KLF2: variants seen among roughly 807,000 people sequenced by gnomAD.
KLF2 encodes Krueppel-like factor 2.
KLF2 carries 9 observed loss-of-function variants against 22.2 expected under a neutral mutation model. That is an observed-to-expected ratio of 0.40 (90% CI 0.24 to 0.71). The LOEUF (loss-of-function observed/expected upper bound fraction) is 0.71, where lower values mean the gene tolerates loss of function less well. KLF2 is among the 30% of genes least tolerant of loss of function. KLF2 has a pLI of 0.35. For missense variants in KLF2, 481 were observed against 542.1 expected, an observed-to-expected ratio of 0.89 and a Z score of 1.12; for synonymous variants, 299 against 264.2, an observed-to-expected ratio of 1.13 and a Z score of -1.28.
rs761413887 is a variant in KLF2, at chr19:16,324,890, C to A, written c.-34C>A. On this transcript the variant is annotated 5_prime_UTR_variant, in exon 1 of 3. Transcript: ENST00000248071. Reference sequence around the variant, plus strand: ...GCCTCGGGCAGCCACTCACCGGTGTCCCCGTCCGCGTCCTTTCTCCCCGGG... The same window carrying A: ...GCCTCGGGCAGCCACTCACCGGTGTACCCGTCCGCGTCCTTTCTCCCCGGG... 25 of 1,566,818 alleles carry A rather than the reference C, an allele frequency of 1.6e-5. No individual in the cohort carries two copies. Among genetic ancestry groups the A allele is most frequent in the Non-Finnish European group, 2.0e-5 (23 of 1,152,254 alleles).
rs2091893243 is a variant in KLF2 at position 16,327,264 on chromosome 19, T to C, written c.*233T>C. The C allele has an allele frequency of 6.7e-6, 3 of 445,300 alleles. No individual in the cohort carries two copies. Among genetic ancestry groups the C allele is most frequent in the South Asian group, 3.2e-5 (1 of 31,130 alleles). 27.6% of individuals were successfully genotyped at this position (445,300 alleles called of 1,614,324 possible). ...CGATCCTCCTTGACGAGTTTTGTTTTTCAAAATGGTGCAATAATTTAAGTG... is the reference window on the plus strand; with the variant it reads ...CGATCCTCCTTGACGAGTTTTGTTTCTCAAAATGGTGCAATAATTTAAGTG... On this transcript the variant is annotated 3_prime_UTR_variant, in exon 3 of 3. Coordinates refer to ENST00000248071, the MANE Select transcript of KLF2 (RefSeq NM_016270.4).
rs930555846 is a variant in KLF2, at chr19:16,328,146, G to T, written c.*1115G>T. ...GGTGGTGGAGTTGGGTTGTTAGCCT[G>T]CTCTGTCTGCCTCCAAGGGTCCCTG... On this transcript the variant is annotated 3_prime_UTR_variant, in exon 3 of 3. Coordinates refer to ENST00000248071, the MANE Select transcript of KLF2 (RefSeq NM_016270.4). Among the ~76,000 whole-genome samples, 1 of 152,098 alleles carries T rather than the reference G, an allele frequency of 6.6e-6. No homozygotes were observed. The highest frequency in any genetic ancestry group is 2.4e-5 in the African/African-American group (1 of 41,432).
At chr19:16,325,019 G>T in intron 1 of KLF2, 21 bp downstream of exon 1, 3 of 1,554,358 alleles carry the variant, frequency 1.9e-6, no homozygotes, top group East Asian at 4.8e-5. Flanking sequence ...CGGGGACGGC[G>T]GGGCGGCCGG....
At position 16,325,404 on chromosome 19, in the gene KLF2, G is replaced by A. The variant is rs777576062; in HGVS notation, c.264G>A (p.Ala88=). ...CGCCCCCGCCCTACAGCGCCCCCGC[G>A]GGTGGCCTGGTGTCTGAGCTGCTGC... ...PGAPPPYSAP[A]GGLVSELLRP... The change falls in exon 2 of 3, where the codon GCG becomes GCA. Residue 88 remains alanine (A), a synonymous_variant. Transcript: ENST00000248071. 7.0e-7 allele frequency: 1 copy of A among 1,424,804 alleles called. No homozygotes were observed. The highest frequency in any genetic ancestry group is 9.1e-7 in the Non-Finnish European group (1 of 1,101,148). The allele number at this position is 1,424,804 out of a possible 1,614,324, so 88.3% of individuals were successfully genotyped here.
At position 16,325,760 on chromosome 19, in the gene KLF2, C is replaced by A. The variant is rs1449482349; in HGVS notation, c.620C>A (p.Pro207His). Residue 207 changes from proline (P) to histidine (H), a missense_variant, in exon 2 of 3, where the codon CCC becomes CAC. Physicochemically the swap from Pro to His is moderately conservative, Grantham distance 77. This residue lies in a region of KLF2 where 421 missense variants were observed against 435.1 expected (regional missense o/e 0.97). Coordinates refer to ENST00000248071, the MANE Select transcript of KLF2 (RefSeq NM_016270.4). ...FGGPGFGAPG[P>H]GLHYAPPAPP... The stretch of plus-strand genomic sequence containing the variant: ...GGCCCTGGTTTCGGCGCGCCCGGGC[C>A]CGGCCTGCATTACGCGCCGCCTGCG... The A allele has an allele frequency of 2.4e-6, 3 of 1,255,616 alleles. No homozygotes were observed. In the African/African-American group the frequency reaches 4.7e-5, roughly 20 times the overall value. 77.8% of individuals were successfully genotyped at this position (1,255,616 alleles called of 1,614,324 possible).
Position 16,325,003 on chromosome 19 carries a change from G to A in KLF2, c.75+5G>A, listed in dbSNP as rs771847213. On this transcript the variant is annotated splice_donor_5th_base_variant and intron_variant, in intron 1 of 2. Coordinates refer to ENST00000248071, the MANE Select transcript of KLF2 (RefSeq NM_016270.4). ...CGCGAGCGCGGCCTGCAGGAGGTGA[G>A]GGCGGCGGGGACGGCGGGGCGGCCG... The A allele has an allele frequency of 6.3e-7, 1 of 1,582,002 alleles. No homozygotes were observed. Among genetic ancestry groups the A allele is most frequent in the East Asian group, 2.3e-5 (1 of 42,804 alleles).
chr19:16,325,460 C>G lies in KLF2; in HGVS notation c.320C>G (p.Ala107Gly). ...RPELDAPLGP[A>G]LHGRFLLAPP... is the part of the protein sequence containing the mutation. ...GAGCTGGATGCGCCGCTGGGGCCCG[C>G]ACTGCACGGCCGCTTTCTGCTGGCG... The change falls in exon 2 of 3, where the codon GCA (alanine) becomes GGA (glycine). Residue 107 changes from alanine (A) to glycine (G), a missense_variant. Physicochemically the swap from Ala to Gly is moderately conservative, Grantham distance 60 (BLOSUM62 0). This residue lies in a region of KLF2 where 421 missense variants were observed against 435.1 expected (regional missense o/e 0.97). Transcript: ENST00000248071. 7.2e-7 allele frequency: 1 copy of G among 1,394,174 alleles called. No individual in the cohort carries two copies. The highest frequency in any genetic ancestry group is 1.5e-5 in the South Asian group (1 of 65,538). The allele number at this position is 1,394,174 out of a possible 1,614,324, so 86.4% of individuals were successfully genotyped here.
At position 16,325,875 on chromosome 19, in the gene KLF2, G is replaced by T; in HGVS notation, c.735G>T (p.Pro245=). Residue 245 remains proline, a synonymous_variant, in exon 2 of 3, where the codon CCG becomes CCT. Coordinates refer to ENST00000248071, the MANE Select transcript of KLF2 (RefSeq NM_016270.4). ...APPAARGLLT[P]PASPLELLEA... ...CCGCCGCCCGCGGTCTCCTCACGCC[G>T]CCTGCGTCCCCGCTGGAGCTGCTGG... 6.8e-7 allele frequency: 1 copy of T among 1,465,300 alleles called. No homozygotes were observed. The highest frequency in any genetic ancestry group is 2.9e-5 in the East Asian group (1 of 34,024). 90.8% of individuals were successfully genotyped at this position (1,465,300 alleles called of 1,614,324 possible). A position where few individuals can be genotyped will look rare whatever the true frequency, so the allele number is the denominator to read the frequency against.
In KLF2 at chr19:16,324,864, G is replaced by T; in HGVS notation, c.-60G>T. On this transcript the variant is annotated 5_prime_UTR_variant, in exon 1 of 3. Transcript: ENST00000248071. The stretch of plus-strand genomic sequence containing the variant: ...CGCCCGCCCGCGCCCCGACCAGCCC[G>T]GCCTCGGGCAGCCACTCACCGGTGT... 1 of 1,407,474 alleles carries T rather than the reference G, an allele frequency of 7.1e-7. No individual in the cohort carries two copies. Among genetic ancestry groups the T allele is most frequent in the Non-Finnish European group, 9.7e-7 (1 of 1,030,634 alleles). The allele number at this position is 1,407,474 out of a possible 1,614,324, so 87.2% of individuals were successfully genotyped here. A position where few individuals can be genotyped will look rare whatever the true frequency, so the allele number is the denominator to read the frequency against.
rs971736489 is a variant in KLF2 at position 16,327,792 on chromosome 19, C to T, written c.*761C>T. Reference sequence around the variant, plus strand: ...TTTGAGCCATAAATTGCCTCTTTGCCCCACAGCTGGGGAAAGTGCTGGTCC... The same window carrying T: ...TTTGAGCCATAAATTGCCTCTTTGCTCCACAGCTGGGGAAAGTGCTGGTCC... On this transcript the variant is annotated 3_prime_UTR_variant, in exon 3 of 3. Coordinates refer to ENST00000248071, the MANE Select transcript of KLF2 (RefSeq NM_016270.4). The T allele has an allele frequency of 6.6e-6, 1 of 151,910 alleles. No homozygotes were observed. The highest frequency in any genetic ancestry group is 2.4e-5 in the African/African-American group (1 of 41,338). The allele number at this position is 151,910 out of a possible 1,614,324, so 9.4% of individuals were successfully genotyped here. A position where few individuals can be genotyped will look rare whatever the true frequency, so the allele number is the denominator to read the frequency against.
rs1289980169 is a variant in KLF2 at position 16,325,446 on chromosome 19, G to A, written c.306G>A (p.Ala102=). Residue 102 remains alanine, a synonymous_variant, in exon 2 of 3, where the codon GCG becomes GCA. Coordinates refer to ENST00000248071, the MANE Select transcript of KLF2 (RefSeq NM_016270.4). ...VSELLRPELD[A]PLGPALHGRF... ...AGCTGCTGCGACCCGAGCTGGATGCGCCGCTGGGGCCCGCACTGCACGGCC... is the reference window on the plus strand; with the variant it reads ...AGCTGCTGCGACCCGAGCTGGATGCACCGCTGGGGCCCGCACTGCACGGCC... 2 of 1,411,316 alleles carry A rather than the reference G, an allele frequency of 1.4e-6. No homozygotes were observed. The highest frequency in any genetic ancestry group is 1.8e-6 in the Non-Finnish European group (2 of 1,091,114). 87.4% of individuals were successfully genotyped at this position (1,411,316 alleles called of 1,614,324 possible). A position where few individuals can be genotyped will look rare whatever the true frequency, so the allele number is the denominator to read the frequency against.
At chr19:16,326,452 G>A (rs566766039) in intron 2 of KLF2, among the ~76,000 whole-genome samples, 1 of 152,138 alleles carries the variant, frequency 6.6e-6, no homozygotes, top group East Asian at 1.9e-4. Context: ...TGCGCGTTTA[G>A]GAACCCCGGG....
At position 16,324,937 on chromosome 19, in the gene KLF2, A is replaced by C; in HGVS notation, c.14A>C (p.Glu5Ala). 6.2e-7 allele frequency: 1 copy of C among 1,601,656 alleles called. No homozygotes were observed. Among genetic ancestry groups the C allele is most frequent in the Non-Finnish European group, 8.5e-7 (1 of 1,175,070 alleles). Residue 5 changes from glutamate to alanine, a missense_variant, in exon 1 of 3, where the codon GAA becomes GCA. Around this residue, in one of 2 missense-constraint regions of KLF2, gnomAD observed 421 missense variants for 435.1 expected, o/e 0.97. Coordinates refer to ENST00000248071, the MANE Select transcript of KLF2 (RefSeq NM_016270.4). MALS[E>A]PILPSFSTFA... ...CGGGTCCCGGCCATGGCGCTGAGTG[A>C]ACCCATCCTGCCGTCCTTCTCCACT...
rs754279560 is a variant in KLF2, at chr19:16,325,393, A to G, written c.253A>G (p.Ser85Gly). 8.8e-5 allele frequency: 125 copies of G among 1,422,130 alleles called. No homozygotes were observed. Among genetic ancestry groups the G allele is most frequent in the Non-Finnish European group, 9.0e-5 (99 of 1,100,344 alleles). The allele number at this position is 1,422,130 out of a possible 1,614,324, so 88.1% of individuals were successfully genotyped here. A position where few individuals can be genotyped will look rare whatever the true frequency, so the allele number is the denominator to read the frequency against. ...CGAACCCGGCGCGCCCCCGCCCTAC[A>G]GCGCCCCCGCGGGTGGCCTGGTGTC... ...YPEPGAPPPY[S>G]APAGGLVSEL... The change falls in exon 2 of 3, where the codon AGC becomes GGC. Residue 85 changes from serine (S) to glycine (G), a missense_variant. This residue lies in a region of KLF2 where 421 missense variants were observed against 435.1 expected (regional missense o/e 0.97). Transcript: ENST00000248071.
At position 16,327,363 on chromosome 19, in the gene KLF2, T is replaced by G. The variant is rs2091893473; in HGVS notation, c.*332T>G. The G allele has an allele frequency of 3.8e-6, 1 of 263,370 alleles. No homozygotes were observed. Among genetic ancestry groups the G allele is most frequent in the African/African-American group, 2.2e-5 (1 of 44,726 alleles). 16.3% of individuals were successfully genotyped at this position (263,370 alleles called of 1,614,324 possible). ...GCCTTGTGAGAAATAAGGGCCTTAA[T>G]TTGTACTGTCTGCGGCATTTTTTAT... On this transcript the variant is annotated 3_prime_UTR_variant, in exon 3 of 3. Transcript: ENST00000248071.
rs1009231765 is a variant in KLF2 at position 16,328,220 on chromosome 19, T to G, written c.*1189T>G. ...GCTTTCTACAATGACCCACCTGTTG[T>G]GTGCATTGGAAGGCTAGGAGAGCCT... On this transcript the variant is annotated 3_prime_UTR_variant, in exon 3 of 3. Transcript: ENST00000248071. 7.2e-5 allele frequency among the ~76,000 whole-genome samples: 11 copies of G among 152,080 alleles called. No homozygotes were observed. Among genetic ancestry groups the G allele is most frequent in the African/African-American group, 2.7e-4 (11 of 41,412 alleles).
rs751407765 is a variant in KLF2, at chr19:16,327,056, C to A, written c.*25C>A. 6.5e-7 allele frequency: 1 copy of A among 1,540,738 alleles called. No individual in the cohort carries two copies. The highest frequency in any genetic ancestry group is 8.8e-7 in the Non-Finnish European group (1 of 1,140,692). Reference sequence around the variant, plus strand: ...GCCGGGACGCCCCCGCCCACCTGCGCGCGGCCGTGGCGGGTCCCACGCGCC... The same window carrying A: ...GCCGGGACGCCCCCGCCCACCTGCGAGCGGCCGTGGCGGGTCCCACGCGCC... On this transcript the variant is annotated 3_prime_UTR_variant, in exon 3 of 3. Coordinates refer to ENST00000248071, the MANE Select transcript of KLF2 (RefSeq NM_016270.4).
Position 16,327,267 on chromosome 19 carries a change from A to G in KLF2, c.*236A>G. ...TCCTCCTTGACGAGTTTTGTTTTTC[A>G]AAATGGTGCAATAATTTAAGTGGCA... On this transcript the variant is annotated 3_prime_UTR_variant, in exon 3 of 3. Coordinates refer to ENST00000248071, the MANE Select transcript of KLF2 (RefSeq NM_016270.4). The G allele has an allele frequency of 2.1e-6, 1 of 469,038 alleles. No homozygotes were observed. The highest frequency in any genetic ancestry group is 3.8e-6 in the Non-Finnish European group (1 of 260,914). The allele number at this position is 469,038 out of a possible 1,614,324, so 29.1% of individuals were successfully genotyped here.
At chr19:16,326,375 G>A (rs542817395) in intron 2 of KLF2, among the ~76,000 whole-genome samples, 34 of 152,150 alleles carry the variant, frequency 2.2e-4, no homozygotes, top group African/African-American at 7.5e-4. Flanking sequence ...GGGGGAGCAG[G>A]TTTAGGAGCC....
Sources: allele counts gnomAD v4.1 joint callset (sites outside exome capture counted in the v4.1 genomes callset), GRCh38; gene constraint gnomAD v4.1.1; regional missense constraint gnomAD v4.1.1; transcripts MANE v1.5; gene names NCBI Gene and HGNC (gene_info 2026-07-23, HGNC 2026-07-21).